Variants in SNX25 observed in about 807,000 individuals in gnomAD.
The protein encoded by SNX25 is sorting nexin 25.
Under a neutral mutation model 113.7 loss-of-function variants are expected in SNX25, and 62 were observed. That is an observed-to-expected ratio of 0.55 (90% CI 0.44 to 0.67). SNX25 has a LOEUF of 0.67. Among genes scored for constraint, SNX25 ranks in the 30% least tolerant of loss-of-function variants. The probability of loss-of-function intolerance (pLI) is 0.00; values close to 1 mark genes in which losing one functional copy is unlikely to be tolerated. For synonymous variants in SNX25, 421 were observed against 436.2 expected, an observed-to-expected ratio of 0.97 and a Z score of 0.43; for missense variants, 1,014 against 1,161.0, an observed-to-expected ratio of 0.87 and a Z score of 1.84.
At chr4:185,265,243 G>A (rs538729720) in intron 4 of SNX25, among the ~76,000 whole-genome samples, 10 of 152,304 alleles carry the variant, frequency 6.6e-5, no homozygotes, top group African/African-American at 2.4e-4. Flanking sequence ...CCGAAGAAAT[G>A]TGTCATTAGA....
At chr4:185,219,177 T>C in intron 1 of SNX25, among the ~76,000 whole-genome samples, 1 of 150,862 alleles carries the variant, frequency 6.6e-6, no homozygotes. Flanking sequence ...TTGGTCCGTC[T>C]TTCGGGGTTT....
chr4:185,241,879 T>C (rs1016154821), intron 1 of SNX25, among the ~76,000 whole-genome samples: 2 of 152,146 alleles, frequency 1.3e-5, no homozygotes, highest in Non-Finnish European at 2.9e-5. Context: ...TTTGGGGAAA[T>C]CTGCCTTGTG....
At chr4:185,332,327 A>C (rs560498261) in intron 9 of SNX25, among the ~76,000 whole-genome samples, 1 of 152,218 alleles carries the variant, frequency 6.6e-6, no homozygotes, top group East Asian at 1.9e-4. Flanking sequence ...AGATTTCCTT[A>C]GAGGTACCAC....
intron 1 of SNX25, among the ~76,000 whole-genome samples, chr4:185,245,248 T>TAA (rs11286036): frequency 7.9e-5 from 12 of 151,306 alleles, no homozygotes; most frequent in Admixed American, 2.0e-4. Flanking sequence ...TGTGATCAAG[T>TAA]AAAAAAAAAT....
intron 1 of SNX25, among the ~76,000 whole-genome samples, chr4:185,223,640 G>T (rs373004448): frequency 6.6e-6 from 1 of 152,034 alleles, no homozygotes; most frequent in African/African-American, 2.4e-5. Flanking sequence ...AATTAGCCGG[G>T]CGTGGTGGCG....
At chr4:185,207,357 C>T (rs935696318), upstream of SNX25, among the ~76,000 whole-genome samples, 1 of 151,830 alleles carries the variant, frequency 6.6e-6, no homozygotes, top group African/African-American at 2.4e-5. Flanking sequence ...GCTGGGACTA[C>T]AGGCGCACAC....
intron 1 of SNX25, among the ~76,000 whole-genome samples, chr4:185,233,975 A>C (rs1206799594): frequency 6.6e-6 from 1 of 152,106 alleles, no homozygotes; most frequent in African/African-American, 2.4e-5. Context: ...CTCCTGCCTC[A>C]GCCTCCCGAG....
downstream of SNX25, chr4:185,370,775 G>C (rs775396907): frequency 2.5e-6 from 4 of 1,614,104 alleles, no homozygotes; most frequent in Non-Finnish European, 3.4e-6. Context: ...TGACCTGGGC[G>C]ATCATGGGGA....
rs527268243 is a variant in SNX25, at chr4:185,246,097, C to A, written c.430-1197C>A. Among the ~76,000 whole-genome samples, 8 of 152,112 alleles carry A rather than the reference C, an allele frequency of 5.3e-5. No individual in the cohort carries two copies. In the South Asian group the frequency reaches 1.0e-3, roughly 20 times the overall value. ...GGTCAGGAGTTCGAGACCAGCCTGG[C>A]CAACATGGGAAAAACCCATCTCTAC... On this transcript the variant is annotated intron_variant, in intron 1 of 18. Coordinates refer to ENST00000652585, the MANE Select transcript of SNX25 (RefSeq NM_001378034.2).
At chr4:185,320,426 T>C (rs1053550322) in intron 7 of SNX25, among the ~76,000 whole-genome samples, 1 of 151,738 alleles carries the variant, frequency 6.6e-6, no homozygotes, top group African/African-American at 2.4e-5. Flanking sequence ...AGCTGAACAA[T>C]GAGAACACAT....
At chr4:185,374,737 G>A (rs1172044986), downstream of SNX25, among the ~76,000 whole-genome samples, 1 of 152,088 alleles carries the variant, frequency 6.6e-6, no homozygotes, top group Non-Finnish European at 1.5e-5. Context: ...TTTAAGTCTC[G>A]ATATGGGCTT....
At chr4:185,252,227 A>G (rs1745770012) in intron 2 of SNX25, among the ~76,000 whole-genome samples, 1 of 152,230 alleles carries the variant, frequency 6.6e-6, no homozygotes, top group Non-Finnish European at 1.5e-5. Context: ...ATGGAGAATT[A>G]GAATCTAGAA....
Position 185,249,206 on chromosome 4 carries a change from A to G in SNX25, c.514+1828A>G, listed in dbSNP as rs1001477308. On this transcript the variant is annotated intron_variant, in intron 2 of 18. Transcript: ENST00000652585. ...AGGATAGTTGTATTTTTAACTTTGT[A>G]ATAAATTACCAAACGGTATTCCAAA... is the stretch of plus-strand genomic sequence containing the variant. Among the ~76,000 whole-genome samples the G allele has an allele frequency of 2.6e-4, 39 of 152,218 alleles. 1 individual carries two copies. Among genetic ancestry groups the G allele is most frequent in the Non-Finnish European group, 1.6e-4 (11 of 68,034 alleles).
At chr4:185,347,553 C>A (rs1040040371) in intron 13 of SNX25, among the ~76,000 whole-genome samples, 5 of 152,120 alleles carry the variant, frequency 3.3e-5, no homozygotes, top group East Asian at 1.9e-4. Flanking sequence ...TCACCGTAAC[C>A]TCTGCCTCCC....
At chr4:185,305,344 A>G (rs1240695498) in intron 6 of SNX25, among the ~76,000 whole-genome samples, 1 of 152,194 alleles carries the variant, frequency 6.6e-6, no homozygotes, top group Non-Finnish European at 1.5e-5. Context: ...GGATGCTGCC[A>G]TTATGATATG....
rs370386104 is a variant in SNX25, at chr4:185,232,562, T to C, written c.430-14732T>C. ...GACCATTTAAAATGTTTCCTCACAG[T>C]TAACAAATTAACTAAGATAATGGCA... On this transcript the variant is annotated intron_variant, in intron 1 of 18. Transcript: ENST00000652585. The surrounding 1 kb of genome is among the most constrained non-coding windows in gnomAD (Gnocchi z 4.4). Among the ~76,000 whole-genome samples the C allele has an allele frequency of 1.8e-3, 278 of 152,312 alleles. No individual in the cohort carries two copies. Among genetic ancestry groups the C allele is most frequent in the African/African-American group, 5.8e-3 (242 of 41,564 alleles).
At chr4:185,243,362 C>G (rs538253781) in intron 1 of SNX25, among the ~76,000 whole-genome samples, 1 of 152,288 alleles carries the variant, frequency 6.6e-6, no homozygotes, top group African/African-American at 2.4e-5. Context: ...GTAATCCCAG[C>G]ACTTTGGGAG....
intron 11 of SNX25, 22 bp downstream of exon 11, chr4:185,339,532 C>T (rs767970987): frequency 8.8e-6 from 14 of 1,590,260 alleles, no homozygotes; most frequent in Non-Finnish European, 9.4e-6. Context: ...TGCTTTTCCT[C>T]TTAATTTATT....
intron 1 of SNX25, among the ~76,000 whole-genome samples, chr4:185,240,653 A>AC (rs1276629885): frequency 9.3e-5 from 13 of 139,160 alleles, no homozygotes; most frequent in East Asian, 6.7e-4. Context: ...CGGGGGGCTA[A>AC]CCCCCCCACC....
Sources: allele counts gnomAD v4.1 joint callset (sites outside exome capture counted in the v4.1 genomes callset), GRCh38; gene constraint gnomAD v4.1.1; non-coding constraint Gnocchi (gnomAD v3.1); transcripts MANE v1.5; gene names NCBI Gene and HGNC (gene_info 2026-07-23, HGNC 2026-07-21).